TMEM26: variants seen among roughly 807,000 people sequenced by gnomAD.
TMEM26 encodes transmembrane protein 26.
Under a neutral mutation model 28.8 loss-of-function variants are expected in TMEM26, and 38 were observed. The observed-to-expected ratio is 1.32, with a 90% confidence interval of 1.02 to 1.73. The LOEUF (loss-of-function observed/expected upper bound fraction) is 1.73. Ranked by LOEUF, TMEM26 falls within the 40% of genes most tolerant of loss-of-function variation. The pLI is 0.00. For synonymous variants in TMEM26, 227 were observed against 182.9 expected, an observed-to-expected ratio of 1.24 and a Z score of -1.95; for missense variants, 518 against 447.1, an observed-to-expected ratio of 1.16 and a Z score of -1.43.
chr10:61,438,899 A>G (rs1484352951), intron 1 of TMEM26, among the ~76,000 whole-genome samples: 1 of 152,210 alleles, frequency 6.6e-6, no homozygotes, highest in African/African-American at 2.4e-5. Flanking sequence ...TCTCACTTCA[A>G]TCCTCTTCCT....
At chr10:61,436,474 G>A (rs1227290106) in intron 1 of TMEM26, among the ~76,000 whole-genome samples, 1 of 152,180 alleles carries the variant, frequency 6.6e-6, no homozygotes, top group Non-Finnish European at 1.5e-5. Context: ...ACTAGCAGCT[G>A]TCATTCTCAC....
At chr10:61,431,475 GA>G (rs1839922323) in intron 2 of TMEM26, 143 bp from the exon 3 acceptor site, 1 of 541,506 alleles carries the variant, frequency 1.8e-6, no homozygotes, top group South Asian at 3.1e-5. Context: ...CCAAAAATCG[GA>G]ATATAGGCCT....
Position 61,413,532 on chromosome 10 carries a change from A to G in TMEM26, c.609T>C (p.Asn203=). Residue 203 remains asparagine, a synonymous_variant, in exon 5 of 6, where the codon AAT becomes AAC. Coordinates refer to ENST00000399298, the MANE Select transcript of TMEM26 (RefSeq NM_178505.8). ...GGATGGCATAGACTAGTGCAGGACT[A>G]TTCCTAGAATACAGACAAAATGTTA... The part of the protein sequence containing the change: ...SETLEEQNVR[N]SPALVYAILV... 1 of 1,599,508 alleles carries G rather than the reference A, an allele frequency of 6.3e-7. No homozygotes were observed. The highest frequency in any genetic ancestry group is 1.1e-5 in the South Asian group (1 of 87,424).
Position 61,453,201 on chromosome 10 carries a change from G to A in TMEM26, c.-120C>T. The A allele has an allele frequency of 1.9e-6, 2 of 1,063,402 alleles. No individual in the cohort carries two copies. The highest frequency in any genetic ancestry group is 2.6e-5 in the East Asian group (1 of 38,958). The allele number at this position is 1,063,402 out of a possible 1,614,324, so 65.9% of individuals were successfully genotyped here. ...GCACTGAGACCTGCTGCTGCTTGTG[G>A]TCCCTTCTCACCCTCAGCGCCCGAT... On this transcript the variant is annotated 5_prime_UTR_variant, in exon 1 of 6. Coordinates refer to ENST00000399298, the MANE Select transcript of TMEM26 (RefSeq NM_178505.8).
chr10:61,429,192 TGA>T (rs1839882222), intron 3 of TMEM26, 46 bp from the exon 4 acceptor site: 1 of 1,500,040 alleles, frequency 6.7e-7, no homozygotes, highest in African/African-American at 1.4e-5. Context: ...AGCCACCACC[TGA>T]GAGAGAAATA....
At chr10:61,424,558 T>C (rs1284806028) in intron 4 of TMEM26, among the ~76,000 whole-genome samples, 2 of 152,148 alleles carry the variant, frequency 1.3e-5, no homozygotes, top group Admixed American at 6.6e-5. Flanking sequence ...TTACCCTTTT[T>C]TACAACTTGA....
chr10:61,423,837 T>C (rs538505948), intron 4 of TMEM26, among the ~76,000 whole-genome samples: 98 of 152,254 alleles, frequency 6.4e-4, no homozygotes, highest in Non-Finnish European at 1.1e-3. Context: ...ATTGTTTTAA[T>C]AGGATAAAAG....
chr10:61,445,552 T>C (rs1413851897), intron 1 of TMEM26, among the ~76,000 whole-genome samples: 2 of 152,216 alleles, frequency 1.3e-5, no homozygotes, highest in Non-Finnish European at 2.9e-5. Flanking sequence ...AATAGGTTTA[T>C]ATTCAGAGAA....
At chr10:61,437,723 C>T (rs1250406390) in intron 1 of TMEM26, among the ~76,000 whole-genome samples, 1 of 151,956 alleles carries the variant, frequency 6.6e-6, no homozygotes, top group African/African-American at 2.4e-5. Flanking sequence ...AGGCAAATGT[C>T]GCAGCGAGCT....
At chr10:61,421,282 T>C (rs756507097) in intron 4 of TMEM26, among the ~76,000 whole-genome samples, 1 of 139,872 alleles carries the variant, frequency 7.1e-6, no homozygotes, top group Non-Finnish European at 1.6e-5. Context: ...AACAAAAGAG[T>C]AGAGGAGTAA....
At chr10:61,422,244 G>T (rs987190431) in intron 4 of TMEM26, among the ~76,000 whole-genome samples, 2 of 151,974 alleles carry the variant, frequency 1.3e-5, no homozygotes, top group Admixed American at 6.6e-5. Flanking sequence ...GGAATCAATA[G>T]AACAAATAGA....
Position 61,410,256 on chromosome 10 carries a change from AAG to A in TMEM26, c.*64_*65del, listed in dbSNP as rs1839545732. ...TTATACGCCAAGGTTGGAGGAGAAA[AAG>A]GATCCTCCCTGTAAGAAGAACCAGG... On this transcript the variant is annotated 3_prime_UTR_variant, in exon 6 of 6. Coordinates refer to ENST00000399298, the MANE Select transcript of TMEM26 (RefSeq NM_178505.8). The A allele has an allele frequency of 6.8e-7, 1 of 1,480,806 alleles. No individual in the cohort carries two copies. The highest frequency in any genetic ancestry group is 2.3e-5 in the Admixed American group (1 of 44,020). The allele number at this position is 1,480,806 out of a possible 1,614,324, so 91.7% of individuals were successfully genotyped here.
chr10:61,421,762 T>G (rs1208711692), intron 4 of TMEM26, among the ~76,000 whole-genome samples: 2 of 152,122 alleles, frequency 1.3e-5, no homozygotes, highest in Admixed American at 6.6e-5. Context: ...TCCTAGCATC[T>G]GGAACTGTGA....
rs573809974 is a variant in TMEM26 at position 61,410,885 on chromosome 10, G to A, written c.683-139C>T. On this transcript the variant is annotated intron_variant, in intron 5 of 5. Coordinates refer to ENST00000399298, the MANE Select transcript of TMEM26 (RefSeq NM_178505.8). ...TTTAATTACAGGATGGAAATCAAAT[G>A]GAATGATCCAGTAATTTAATTCAGG... 2.4e-3 allele frequency: 2,164 copies of A among 909,438 alleles called. 4 individuals are homozygous for A. Among genetic ancestry groups the A allele is most frequent in the Non-Finnish European group, 3.3e-3 (2,027 of 605,564 alleles). The allele number at this position is 909,438 out of a possible 1,614,324, so 56.3% of individuals were successfully genotyped here.
chr10:61,437,844 C>T lies in TMEM26; in HGVS notation c.192-1596G>A, dbSNP rs116101446. On this transcript the variant is annotated intron_variant, in intron 1 of 5. Transcript: ENST00000399298. ...TTTATTTTAGAGGACTCTTGCTTTGCAGAACATCTCAAAGTCAAAATTATG... is the reference window on the plus strand; with the variant it reads ...TTTATTTTAGAGGACTCTTGCTTTGTAGAACATCTCAAAGTCAAAATTATG... 5.5e-3 allele frequency among the ~76,000 whole-genome samples: 833 copies of T among 152,180 alleles called. 11 individuals are homozygous for T. Among genetic ancestry groups the T allele is most frequent in the African/African-American group, 0.019 (785 of 41,510 alleles).
chr10:61,429,048 C>T lies in TMEM26; in HGVS notation c.483G>A (p.Trp161Ter). Reference sequence around the variant, plus strand: ...TGATCCCGCCTCCAATGGGTAGAAGCCATCTTCCAATTATTAGCATTAACA... The same window carrying T: ...TGATCCCGCCTCCAATGGGTAGAAGTCATCTTCCAATTATTAGCATTAACA... The part of the protein sequence containing the change: ...TFLLMLIIGR[W>*]LLPIGGGITR... The change falls in exon 4 of 6, where the codon TGG becomes TGA. Residue 161 changes from tryptophan (W) to a stop codon, truncating the protein, a stop_gained. Coordinates refer to ENST00000399298, the MANE Select transcript of TMEM26 (RefSeq NM_178505.8). LOFTEE classifies it high-confidence loss of function. The T allele has an allele frequency of 6.2e-7, 1 of 1,613,346 alleles. No individual in the cohort carries two copies. Among genetic ancestry groups the T allele is most frequent in the East Asian group, 2.2e-5 (1 of 44,858 alleles).
At chr10:61,426,917 C>A (rs1839842720) in intron 4 of TMEM26, among the ~76,000 whole-genome samples, 2 of 151,956 alleles carry the variant, frequency 1.3e-5, no homozygotes, top group Admixed American at 1.3e-4. Flanking sequence ...AACATGGAAG[C>A]TAATTTTTAG....
In TMEM26 at chr10:61,410,082, T is replaced by C; in HGVS notation, c.*240A>G. The C allele has an allele frequency of 1.9e-6, 1 of 539,276 alleles. No individual in the cohort carries two copies. The highest frequency in any genetic ancestry group is 3.3e-6 in the Non-Finnish European group (1 of 304,238). 33.4% of individuals were successfully genotyped at this position (539,276 alleles called of 1,614,324 possible). On this transcript the variant is annotated 3_prime_UTR_variant, in exon 6 of 6. Coordinates refer to ENST00000399298, the MANE Select transcript of TMEM26 (RefSeq NM_178505.8). ...AAACAGTTCAAGACAAACAAATCAC[T>C]TAGTCGTTGAACAACTATAACATCT...
At position 61,431,340 on chromosome 10, in the gene TMEM26, T is replaced by C; in HGVS notation, c.271-8A>G. 3 of 1,610,968 alleles carry C rather than the reference T, an allele frequency of 1.9e-6. No homozygotes were observed. Among genetic ancestry groups the C allele is most frequent in the South Asian group, 2.2e-5 (2 of 91,002 alleles). Reference sequence around the variant, plus strand: ...AGCCTGGATACTGCAATACTAAGAATGGGGTCAGGGAAGGCAATTATGGCA... The same window carrying C: ...AGCCTGGATACTGCAATACTAAGAACGGGGTCAGGGAAGGCAATTATGGCA... On this transcript the variant is annotated splice_polypyrimidine_tract_variant and splice_region_variant and intron_variant, in intron 2 of 5. Coordinates refer to ENST00000399298, the MANE Select transcript of TMEM26 (RefSeq NM_178505.8).
Sources: gnomAD v4.1 joint callset for allele counts (sites outside exome capture counted in the v4.1 genomes callset) on GRCh38, gnomAD v4.1.1 for gene constraint, MANE v1.5 for transcripts, NCBI Gene and HGNC (gene_info 2026-07-23, HGNC 2026-07-21) for gene names.